The following NKAIN3 variants were observed in gnomAD, a reference collection of about 807,000 sequenced individuals.
NKAIN3 encodes the protein sodium/potassium-transporting ATPase subunit beta-1-interacting protein 3.
NKAIN3 carries 25 observed loss-of-function variants against 30.2 expected under a neutral mutation model. The observed-to-expected ratio is 0.83, with a 90% confidence interval of 0.60 to 1.16. NKAIN3 has a LOEUF of 1.16. NKAIN3 is among the 50% of genes most tolerant of loss of function. NKAIN3 has a pLI of 0.00. For missense variants in NKAIN3, 225 were observed against 254.1 expected (o/e 0.89, Z 0.78); for synonymous variants, 91 against 89.6 (o/e 1.02, Z -0.09).
intron 4 of NKAIN3, among the ~76,000 whole-genome samples, chr8:62,810,722 T>C (rs1818460899): frequency 6.6e-6 from 1 of 150,746 alleles, no homozygotes; most frequent in South Asian, 2.1e-4. Context: ...CTGGTCTTAA[T>C]GTTTGTATGC....
intron 1 of NKAIN3, among the ~76,000 whole-genome samples, chr8:62,468,509 A>G (rs1283209038): frequency 6.6e-6 from 1 of 152,188 alleles, no homozygotes; most frequent in African/African-American, 2.4e-5. Context: ...AAGCCCACAG[A>G]ATTTGGAAAT....
intron 1 of NKAIN3, among the ~76,000 whole-genome samples, chr8:62,459,560 A>G (rs551845376): frequency 1.5e-3 from 229 of 152,344 alleles, no homozygotes; most frequent in African/African-American, 5.2e-3. Flanking sequence ...CAATGAAAAA[A>G]TATGTAATGT....
chr8:62,475,028 T>G (rs556514737), intron 1 of NKAIN3, among the ~76,000 whole-genome samples: 2 of 152,232 alleles, frequency 1.3e-5, no homozygotes, highest in South Asian at 4.1e-4. Context: ...AAGTCATAGC[T>G]AAAAAGCCAG....
At chr8:62,985,167 C>T (rs1319947504), downstream of NKAIN3, among the ~76,000 whole-genome samples, 1 of 152,222 alleles carries the variant, frequency 6.6e-6, no homozygotes. Context: ...CAGACAGCTG[C>T]TCTGGGCTTC....
intron 5 of NKAIN3, among the ~76,000 whole-genome samples, chr8:62,942,182 AT>A (rs1822978655): frequency 6.9e-6 from 1 of 144,856 alleles, no homozygotes; most frequent in African/African-American, 2.6e-5. Flanking sequence ...ATATATATAT[AT>A]ATACACATAT....
chr8:62,905,530 TCTC>T (rs1821749154), intron 4 of NKAIN3, among the ~76,000 whole-genome samples: 1 of 152,208 alleles, frequency 6.6e-6, no homozygotes, highest in Non-Finnish European at 1.5e-5. Flanking sequence ...CTATCCTTTT[TCTC>T]CTCCTCTTTC....
chr8:62,536,536 C>A (rs1808668640), intron 1 of NKAIN3, among the ~76,000 whole-genome samples: 1 of 151,828 alleles, frequency 6.6e-6, no homozygotes, highest in Non-Finnish European at 1.5e-5. Flanking sequence ...TTCAGTAGAA[C>A]AGCAGCAAGC....
At chr8:62,336,155 G>A (rs1252555870) in intron 1 of NKAIN3, among the ~76,000 whole-genome samples, 1 of 152,022 alleles carries the variant, frequency 6.6e-6, no homozygotes, top group Non-Finnish European at 1.5e-5. Flanking sequence ...CTATTGCTGG[G>A]AGAGCCTGGG....
chr8:62,633,300 A>G (rs1812025427), intron 3 of NKAIN3, among the ~76,000 whole-genome samples: 2 of 152,242 alleles, frequency 1.3e-5, no homozygotes, highest in Middle Eastern at 3.4e-3. Context: ...CCATATGACT[A>G]TGTCTTTTGC....
chr8:62,922,329 G>A (rs1381711652), intron 5 of NKAIN3, among the ~76,000 whole-genome samples: 1 of 152,130 alleles, frequency 6.6e-6, no homozygotes, highest in Admixed American at 6.6e-5. Context: ...TATTTCCATA[G>A]CATTGGTGTG....
At chr8:62,366,922 G>T (rs10107474) in intron 1 of NKAIN3, among the ~76,000 whole-genome samples, 91,452 of 152,070 alleles carry the variant, frequency 0.6, 28,677 homozygotes, top group East Asian at 0.68. Flanking sequence ...GATATTTTTT[G>T]ATTTTTCTTT....
rs1438981724 is a variant in NKAIN3 at position 62,447,895 on chromosome 8, CTGTTTA to C, written c.55-131643_55-131638del. 3.3e-5 allele frequency among the ~76,000 whole-genome samples: 5 copies of C among 151,912 alleles called. No individual in the cohort carries two copies. The East Asian group carries it at 9.6e-4, about 29-fold the overall frequency. ...ATAAATTATCAAGGTAGGTGGGAAACTGTTTAGATAAGTGGGATGTTTGAAATCTAA... is the reference window on the plus strand; with the variant it reads ...ATAAATTATCAAGGTAGGTGGGAAACGATAAGTGGGATGTTTGAAATCTAA... On this transcript the variant is annotated intron_variant, in intron 1 of 6. Transcript: ENST00000623646.
intron 1 of NKAIN3, among the ~76,000 whole-genome samples, chr8:62,394,664 C>CCA (rs1817679340): frequency 1.3e-5 from 2 of 151,162 alleles, no homozygotes; most frequent in Non-Finnish European, 1.5e-5. Flanking sequence ...CCAGACCTGG[C>CCA]GGCAGCGGGG....
At position 62,982,874 on chromosome 8, in the gene NKAIN3, C is replaced by T. The variant is rs1341972572; in HGVS notation, c.*17467C>T. 1 of 152,210 alleles carries T rather than the reference C, an allele frequency of 6.6e-6. No individual in the cohort carries two copies. Among genetic ancestry groups the T allele is most frequent in the Non-Finnish European group, 1.5e-5 (1 of 68,044 alleles). 9.4% of individuals were successfully genotyped at this position (152,210 alleles called of 1,614,324 possible). On this transcript the variant is annotated 3_prime_UTR_variant, in exon 7 of 7. Coordinates refer to ENST00000623646, the MANE Select transcript of NKAIN3 (RefSeq NM_001304533.3). ...CTCAAAACAAACTTGCTTCCCATCA[C>T]ATTCTTGGTTTGTCAGCACTCTGTA...
At chr8:62,414,808 A>T (rs935619860) in intron 1 of NKAIN3, among the ~76,000 whole-genome samples, 8 of 151,898 alleles carry the variant, frequency 5.3e-5, no homozygotes, top group African/African-American at 1.9e-4. Flanking sequence ...ATTAGGAAAC[A>T]TGTTATATAC....
chr8:62,952,801 CA>C (rs1326952844), intron 5 of NKAIN3, among the ~76,000 whole-genome samples: 1 of 152,104 alleles, frequency 6.6e-6, no homozygotes, highest in African/African-American at 2.4e-5. Context: ...CAAAATGTTG[CA>C]CAAGAATTGA....
chr8:62,543,285 A>G (rs1369107959), intron 1 of NKAIN3, among the ~76,000 whole-genome samples: 1 of 152,212 alleles, frequency 6.6e-6, no homozygotes, highest in Non-Finnish European at 1.5e-5. Context: ...ATTTCAGGCT[A>G]CTAGCCTTCC....
At chr8:62,804,867 G>A (rs1479687578) in intron 4 of NKAIN3, among the ~76,000 whole-genome samples, 3 of 152,188 alleles carry the variant, frequency 2.0e-5, no homozygotes, top group Non-Finnish European at 2.9e-5. Flanking sequence ...AATTGTCCCT[G>A]TTTGCAGAGG....
intron 1 of NKAIN3, among the ~76,000 whole-genome samples, chr8:62,402,670 TAA>T (rs1803918920): frequency 6.6e-6 from 1 of 152,220 alleles, no homozygotes. Flanking sequence ...GCCATGGTTA[TAA>T]GTTTCCTGAG....
Sources: gnomAD v4.1 joint callset for allele counts (sites outside exome capture counted in the v4.1 genomes callset) on GRCh38, gnomAD v4.1.1 for gene constraint, MANE v1.5 for transcripts, NCBI Gene and HGNC (gene_info 2026-07-23, HGNC 2026-07-21) for gene names.